The following BABAM2 variants were observed in gnomAD, a reference collection of about 807,000 sequenced individuals.
The protein encoded by BABAM2 is BRISC and BRCA1 A complex member 2.
A neutral mutation model predicts 54.7 loss-of-function variants in BABAM2; 31 were observed. The ratio of observed to expected loss-of-function variants is 0.57; its 90% CI spans 0.43 to 0.77. BABAM2 has a LOEUF of 0.77. Ranked by LOEUF, BABAM2 falls within the 30% of genes least tolerant of loss-of-function variation. The pLI is 0.00. For missense variants in BABAM2, 364 were observed against 455.8 expected (o/e 0.80, Z 1.83); for synonymous variants, 167 against 162.9 (o/e 1.03, Z -0.19).
At position 28,156,499 on chromosome 2, in the gene BABAM2, G is replaced by C. The variant is rs183031501; in HGVS notation, c.680+27119G>C. The stretch of plus-strand genomic sequence containing the variant: ...AAGTTATAAATATTTGTAAATTACA[G>C]TTTTTCATAGTCTATTTAAAGAATA... On this transcript the variant is annotated intron_variant, in intron 7 of 11. Coordinates refer to ENST00000379624, the MANE Select transcript of BABAM2 (RefSeq NM_199191.3). Among the ~76,000 whole-genome samples, 31 of 152,180 alleles carry C rather than the reference G, an allele frequency of 2.0e-4. 1 individual carries two copies. The East Asian group carries it at 6.0e-3, about 29-fold the overall frequency.
chr2:28,312,236 C>T (rs1029048355), intron 11 of BABAM2, among the ~76,000 whole-genome samples: 1 of 152,178 alleles, frequency 6.6e-6, no homozygotes, highest in Non-Finnish European at 1.5e-5. Flanking sequence ...CTTGCTTCTG[C>T]AGAAACAAGA....
rs1414347604 is a variant in BABAM2 at position 27,995,578 on chromosome 2, T to TTTTG, written c.300+7503_300+7506dup. Among the ~76,000 whole-genome samples, 47 of 151,938 alleles carry TTTTG rather than the reference T, an allele frequency of 3.1e-4. No individual in the cohort carries two copies. The highest frequency in any genetic ancestry group is 2.8e-3 in the Admixed American group (43 of 15,266). On this transcript the variant is annotated intron_variant, in intron 4 of 11. Coordinates refer to ENST00000379624, the MANE Select transcript of BABAM2 (RefSeq NM_199191.3). The surrounding 1 kb of genome is among the most constrained non-coding windows in gnomAD (Gnocchi z 4.1). ...ATTAAACCCATCCTCATGAGTTCTTTTTTGTTTGTTTGTTTTTCTTAGATG... is the reference window on the plus strand; with the variant it reads ...ATTAAACCCATCCTCATGAGTTCTTTTTTGTTTGTTTGTTTGTTTTTCTTAGATG...
intron 4 of BABAM2, among the ~76,000 whole-genome samples, chr2:28,011,351 TTTTC>T (rs1674381291): frequency 6.6e-6 from 1 of 152,142 alleles, no homozygotes; most frequent in African/African-American, 2.4e-5. Context: ...TTGCTTTGCT[TTTTC>T]TTTCTTGCTC....
chr2:28,253,386 A>G (rs1683673662), intron 10 of BABAM2, among the ~76,000 whole-genome samples: 2 of 149,784 alleles, frequency 1.3e-5, no homozygotes, highest in Non-Finnish European at 1.5e-5. Flanking sequence ...TGTGTGACAG[A>G]GCAAGACTTT....
chr2:28,159,836 A>G (rs1031050471), intron 7 of BABAM2, among the ~76,000 whole-genome samples: 6 of 151,540 alleles, frequency 4.0e-5, no homozygotes, highest in African/African-American at 1.5e-4. Flanking sequence ...AGATTGCACC[A>G]CTATACTCCA....
chr2:28,313,213 A>T (rs1259188383), intron 11 of BABAM2, among the ~76,000 whole-genome samples: 1 of 150,520 alleles, frequency 6.6e-6, no homozygotes, highest in Non-Finnish European at 1.5e-5. Context: ...TCTAAAAACC[A>T]AGTACTTTTA....
intron 10 of BABAM2, among the ~76,000 whole-genome samples, chr2:28,254,596 T>C (rs1192892031): frequency 2.0e-5 from 3 of 152,180 alleles, no homozygotes; most frequent in Non-Finnish European, 4.4e-5. Context: ...ATCACCCATA[T>C]CGCAGTTTGA....
At chr2:27,922,078 G>A (rs1212199112) in intron 2 of BABAM2, among the ~76,000 whole-genome samples, 2 of 152,196 alleles carry the variant, frequency 1.3e-5, no homozygotes, top group African/African-American at 4.8e-5. Flanking sequence ...CTAGGCCATG[G>A]AGACTAAGAT....
chr2:27,932,245 A>G (rs1668149217), intron 3 of BABAM2, among the ~76,000 whole-genome samples: 2 of 152,260 alleles, frequency 1.3e-5, no homozygotes, highest in South Asian at 2.1e-4. Flanking sequence ...ACAATTAGGT[A>G]TCTTAATTTC....
chr2:28,040,544 C>G (rs935636755), intron 5 of BABAM2, among the ~76,000 whole-genome samples: 2 of 151,904 alleles, frequency 1.3e-5, no homozygotes, highest in Non-Finnish European at 2.9e-5. Context: ...TCGTGATCCG[C>G]CCGCCTCGGC....
chr2:28,159,911 G>A (rs75639945), intron 7 of BABAM2, among the ~76,000 whole-genome samples: 1,679 of 152,058 alleles, frequency 0.011, 30 homozygotes, highest in African/African-American at 0.039. Flanking sequence ...CCAGAATTTA[G>A]TTAGGTAAAA....
At chr2:28,327,254 CT>C in intron 11 of BABAM2, 1 of 1,590,234 alleles carries the variant, frequency 6.3e-7, no homozygotes, top group Non-Finnish European at 8.6e-7. Context: ...TCTCCTCCTC[CT>C]TCTCATCTGC....
intron 11 of BABAM2, among the ~76,000 whole-genome samples, chr2:28,317,532 G>A (rs1572407001): frequency 6.6e-6 from 1 of 151,992 alleles, no homozygotes; most frequent in East Asian, 2.0e-4. Flanking sequence ...GTGCAGGCAG[G>A]GCCAGCCCAC....
chr2:27,990,228 G>A (rs999719371), intron 4 of BABAM2, among the ~76,000 whole-genome samples: 10 of 152,138 alleles, frequency 6.6e-5, no homozygotes, highest in Non-Finnish European at 1.0e-4. Flanking sequence ...CTAGTTGGGC[G>A]ATGTCCAAAT....
At chr2:28,244,912 T>TA in intron 10 of BABAM2, 50 bp downstream of exon 10, 1 of 1,497,572 alleles carries the variant, frequency 6.7e-7, no homozygotes, top group South Asian at 1.1e-5. Context: ...TTAAATGTCC[T>TA]AAACCACATG....
At chr2:27,906,434 A>G (rs1339891586) in intron 2 of BABAM2, among the ~76,000 whole-genome samples, 4 of 152,226 alleles carry the variant, frequency 2.6e-5, no homozygotes, top group African/African-American at 7.2e-5. Flanking sequence ...TTTTAATTAA[A>G]CAGTTTATGA....
At chr2:28,106,519 A>G (rs1196235348) in intron 6 of BABAM2, among the ~76,000 whole-genome samples, 2 of 152,226 alleles carry the variant, frequency 1.3e-5, no homozygotes, top group African/African-American at 2.4e-5. Context: ...CAGTTATGTT[A>G]TATAATTTCT....
At chr2:28,002,094 A>G (rs1481149314) in intron 4 of BABAM2, among the ~76,000 whole-genome samples, 2 of 151,624 alleles carry the variant, frequency 1.3e-5, no homozygotes, top group East Asian at 1.9e-4. Context: ...ATTGATTCAT[A>G]TAACAGTAAA....
At chr2:28,275,163 C>G (rs951889944) in intron 10 of BABAM2, among the ~76,000 whole-genome samples, 1 of 152,288 alleles carries the variant, frequency 6.6e-6, no homozygotes, top group South Asian at 2.1e-4. Flanking sequence ...TTCTAAAGCA[C>G]CCCCATGCAC....
Sources: gnomAD v4.1 joint callset for allele counts (sites outside exome capture counted in the v4.1 genomes callset) on GRCh38, gnomAD v4.1.1 for gene constraint, Gnocchi (gnomAD v3.1) non-coding constraint, MANE v1.5 for transcripts, NCBI Gene and HGNC (gene_info 2026-07-23, HGNC 2026-07-21) for gene names.